Variants in AMOTL1 observed in about 807,000 individuals in gnomAD.
AMOTL1 encodes angiomotin-like protein 1.
AMOTL1 carries 45 observed loss-of-function variants against 102.9 expected under a neutral mutation model. The observed-to-expected ratio is 0.44, with a 90% CI of 0.34 to 0.56. The LOEUF (loss-of-function observed/expected upper bound fraction) is 0.56, where lower values mean the gene tolerates loss of function less well. AMOTL1 is among the 20% of genes least tolerant of loss of function. AMOTL1 has a pLI of 0.01. For synonymous variants in AMOTL1, 481 were observed against 484.7 expected, an observed-to-expected ratio of 0.99 and a Z score of 0.10; for missense variants, 1,114 against 1,225.6, an observed-to-expected ratio of 0.91 and a Z score of 1.36.
At chr11:94,831,889 G>A (rs1952078811) in intron 6 of AMOTL1, among the ~76,000 whole-genome samples, 1 of 152,178 alleles carries the variant, frequency 6.6e-6, no homozygotes, top group South Asian at 2.1e-4. Context: ...CAGCCTAGTG[G>A]TGGGGTTTGG....
intron 3 of AMOTL1, among the ~76,000 whole-genome samples, chr11:94,748,398 G>A (rs926849967): frequency 6.6e-6 from 1 of 152,164 alleles, no homozygotes; most frequent in East Asian, 1.9e-4. Context: ...TATTCCATTG[G>A]CCTGAACTTT....
chr11:94,809,289 A>T (rs1951628477), intron 3 of AMOTL1, among the ~76,000 whole-genome samples: 1 of 152,098 alleles, frequency 6.6e-6, no homozygotes, highest in African/African-American at 2.4e-5. Context: ...TCAAGTTCTG[A>T]TGTCTGTTTT....
At chr11:94,824,277 G>A (rs1951922369) in intron 4 of AMOTL1, among the ~76,000 whole-genome samples, 1 of 152,072 alleles carries the variant, frequency 6.6e-6, no homozygotes, top group Non-Finnish European at 1.5e-5. Context: ...ATAGGTTCTT[G>A]GAAGCTACAA....
chr11:94,800,798 A>T (rs1226701210), intron 3 of AMOTL1, among the ~76,000 whole-genome samples: 1 of 152,202 alleles, frequency 6.6e-6, no homozygotes, highest in African/African-American at 2.4e-5. Context: ...GCCTGGAGAG[A>T]TTAATGAATT....
chr11:94,850,380 G>A, intron 7 of AMOTL1, 121 bp downstream of exon 7: 1 of 1,290,500 alleles, frequency 7.7e-7, no homozygotes, highest in Middle Eastern at 2.8e-4. Context: ...TGAGACAGGG[G>A]AGGGATATGG....
At chr11:94,734,746 C>T (rs1950410984) in intron 2 of AMOTL1, among the ~76,000 whole-genome samples, 1 of 152,152 alleles carries the variant, frequency 6.6e-6, no homozygotes, top group African/African-American at 2.4e-5. Context: ...AGAAGGCTAC[C>T]TGCAGAGAAG....
chr11:94,820,127 A>G (rs1370846565), intron 3 of AMOTL1, among the ~76,000 whole-genome samples: 1 of 152,202 alleles, frequency 6.6e-6, no homozygotes, highest in Admixed American at 6.5e-5. Context: ...TGGTGCCCCT[A>G]TCAATTTGTG....
At chr11:94,768,012 GGGCAGA>G (rs1950876415), upstream of AMOTL1, among the ~76,000 whole-genome samples, 1 of 152,158 alleles carries the variant, frequency 6.6e-6, no homozygotes, top group South Asian at 2.1e-4. Flanking sequence ...CTAGACTTTT[GGGCAGA>G]TCCGGAAACA....
intron 1 of AMOTL1, among the ~76,000 whole-genome samples, chr11:94,770,047 A>G (rs929869308): frequency 1.3e-5 from 2 of 152,202 alleles, no homozygotes; most frequent in Admixed American, 1.3e-4. Context: ...GGCTTGAAAT[A>G]TTAAACAATC....
Position 94,874,598 on chromosome 11 carries a change from A to G in AMOTL1, c.*3803A>G, listed in dbSNP as rs760028803. 2 of 152,252 alleles carry G rather than the reference A, an allele frequency of 1.3e-5. No homozygotes were observed. Among genetic ancestry groups the G allele is most frequent in the African/African-American group, 4.8e-5 (2 of 41,464 alleles). 9.4% of individuals were successfully genotyped at this position (152,252 alleles called of 1,614,324 possible). On this transcript the variant is annotated 3_prime_UTR_variant, in exon 13 of 13. Transcript: ENST00000433060. ...GTTACTCAGGAAGGAGGTGTTCAGA[A>G]TGCCCCGTGCAGAGCAGCCAGTCAT...
At chr11:94,827,099 A>G (rs1379274560) in intron 4 of AMOTL1, among the ~76,000 whole-genome samples, 1 of 152,180 alleles carries the variant, frequency 6.6e-6, no homozygotes, top group Admixed American at 6.5e-5. Flanking sequence ...ATCAGTCAGT[A>G]TTTTGTCATG....
chr11:94,794,150 G>A (rs1951327041), intron 1 of AMOTL1, among the ~76,000 whole-genome samples: 1 of 152,188 alleles, frequency 6.6e-6, no homozygotes, highest in Non-Finnish European at 1.5e-5. Flanking sequence ...TTTGAGCAAG[G>A]ATGTTAATTT....
chr11:94,833,528 G>A (rs979933211), intron 6 of AMOTL1, among the ~76,000 whole-genome samples: 18 of 152,134 alleles, frequency 1.2e-4, no homozygotes, highest in African/African-American at 4.1e-4. Context: ...CCACATTTGT[G>A]CCTTCTAGGT....
At chr11:94,775,246 A>G (rs772359197) in intron 1 of AMOTL1, among the ~76,000 whole-genome samples, 2 of 152,194 alleles carry the variant, frequency 1.3e-5, no homozygotes, top group African/African-American at 4.8e-5. Context: ...CTTGGTAACG[A>G]TTGCATAGAC....
chr11:94,732,768 C>T (rs1427720962), intron 2 of AMOTL1, among the ~76,000 whole-genome samples: 1 of 152,142 alleles, frequency 6.6e-6, no homozygotes, highest in African/African-American at 2.4e-5. Context: ...TCCATGCTTC[C>T]CAGGGAACTC....
chr11:94,720,999 T>A (rs1020177344), intron 1 of AMOTL1, among the ~76,000 whole-genome samples: 8 of 152,118 alleles, frequency 5.3e-5, no homozygotes, highest in African/African-American at 1.7e-4. Context: ...TAAAATTGCT[T>A]AAAGTAAACA....
intron 1 of AMOTL1, among the ~76,000 whole-genome samples, chr11:94,777,088 T>C (rs1951036078): frequency 6.6e-6 from 1 of 152,234 alleles, no homozygotes; most frequent in Admixed American, 6.5e-5. Flanking sequence ...TAATGGTCTT[T>C]TTATCTAAAA....
chr11:94,854,245 C>T (rs113907329), intron 8 of AMOTL1, among the ~76,000 whole-genome samples, 163 bp downstream of exon 8: 7 of 152,302 alleles, frequency 4.6e-5, no homozygotes, highest in Non-Finnish European at 8.8e-5. Context: ...GGAGAGAAGG[C>T]GAGCAGTCCG....
intron 1 of AMOTL1, among the ~76,000 whole-genome samples, chr11:94,770,225 A>C (rs780546484): frequency 6.6e-6 from 1 of 152,134 alleles, no homozygotes; most frequent in Non-Finnish European, 1.5e-5. Flanking sequence ...AGCAACTGAC[A>C]TTTACTTCCT....
Sources: allele counts gnomAD v4.1 joint callset (sites outside exome capture counted in the v4.1 genomes callset), GRCh38; gene constraint gnomAD v4.1.1; transcripts MANE v1.5; gene names NCBI Gene and HGNC (gene_info 2026-07-23, HGNC 2026-07-21).